PNLIP: variants seen among roughly 807,000 people sequenced by gnomAD.
PNLIP encodes pancreatic triacylglycerol lipase.
PNLIP carries 49 observed loss-of-function variants against 57.1 expected under a neutral mutation model. That is an observed-to-expected ratio of 0.86 (90% CI 0.68 to 1.09). PNLIP has a LOEUF of 1.09. Among genes scored for constraint, PNLIP ranks in the 50% least tolerant of loss-of-function variants. PNLIP has a pLI of 0.00. For missense variants in PNLIP, 503 were observed against 570.2 expected (o/e 0.88, Z 1.20); for synonymous variants, 209 against 200.4 (o/e 1.04, Z -0.36).
intron 5 of PNLIP, among the ~76,000 whole-genome samples, chr10:116,553,398 G>C (rs1320381035): frequency 6.6e-6 from 1 of 152,148 alleles, no homozygotes; most frequent in Non-Finnish European, 1.5e-5. Context: ...CGCCACCAAG[G>C]CCAGCCTAAA....
chr10:116,567,809 T>C lies in PNLIP; in HGVS notation c.*11T>C, dbSNP rs1349275437. On this transcript the variant is annotated 3_prime_UTR_variant, in exon 13 of 13. Transcript: ENST00000369221. ...CTCACACCGTGTTAGGAGACTACTG[T>C]TATTTGACCAATGAATTGACTTCTA... 1 of 1,601,406 alleles carries C rather than the reference T, an allele frequency of 6.2e-7. No individual in the cohort carries two copies. Among genetic ancestry groups the C allele is most frequent in the Non-Finnish European group, 8.6e-7 (1 of 1,168,356 alleles).
At chr10:116,547,763 T>G (rs1047328211) in intron 3 of PNLIP, among the ~76,000 whole-genome samples, 7 of 149,648 alleles carry the variant, frequency 4.7e-5, no homozygotes, top group Non-Finnish European at 5.9e-5. Flanking sequence ...AAGAACCAAG[T>G]TCCACCTGTT....
intron 11 of PNLIP, among the ~76,000 whole-genome samples, chr10:116,561,244 T>C (rs948639319): frequency 6.6e-6 from 1 of 152,220 alleles, no homozygotes; most frequent in Non-Finnish European, 1.5e-5. Flanking sequence ...TAATATGAGA[T>C]GTTCATGGCA....
At chr10:116,556,179 T>C (rs1288867394) in intron 9 of PNLIP, 61 bp downstream of exon 9, 2 of 893,482 alleles carry the variant, frequency 2.2e-6, no homozygotes, top group African/African-American at 1.6e-5. Flanking sequence ...ATGACTGGTG[T>C]GCTTTCCTAT....
chr10:116,550,184 G>A (rs1461488983), intron 4 of PNLIP, among the ~76,000 whole-genome samples: 1 of 146,296 alleles, frequency 6.8e-6, no homozygotes, highest in Non-Finnish European at 1.5e-5. Context: ...TCAGCCTCCC[G>A]AGTAGCTGGG....
At chr10:116,563,322 T>C (rs981213640) in intron 12 of PNLIP, among the ~76,000 whole-genome samples, 3 of 152,226 alleles carry the variant, frequency 2.0e-5, no homozygotes, top group African/African-American at 4.8e-5. Context: ...AATAAGCATT[T>C]CCTTTGAGCA....
chr10:116,555,116 T>G, intron 6 of PNLIP, 62 bp from the exon 7 acceptor site: 1 of 1,584,604 alleles, frequency 6.3e-7, no homozygotes, highest in Non-Finnish European at 8.7e-7. Context: ...TAACTCATAT[T>G]TTACTCTTAA....
intron 9 of PNLIP, among the ~76,000 whole-genome samples, chr10:116,557,522 C>T (rs2133204595): frequency 6.6e-6 from 1 of 152,312 alleles, no homozygotes; most frequent in East Asian, 1.9e-4. Flanking sequence ...TTGATGGGCA[C>T]ACTGCTGTAT....
chr10:116,551,597 G>A (rs975282611), intron 5 of PNLIP, among the ~76,000 whole-genome samples: 2 of 152,112 alleles, frequency 1.3e-5, no homozygotes, highest in African/African-American at 2.4e-5. Context: ...GTGATAACAA[G>A]CTAACCTCAT....
intron 9 of PNLIP, among the ~76,000 whole-genome samples, chr10:116,556,378 C>T (rs988091572): frequency 1.1e-3 from 174 of 152,158 alleles, no homozygotes; most frequent in Non-Finnish European, 9.4e-4. Flanking sequence ...AGAAATAACC[C>T]TAAACAGACA....
chr10:116,564,790 A>G (rs1033775068), intron 12 of PNLIP, among the ~76,000 whole-genome samples: 13 of 152,202 alleles, frequency 8.5e-5, no homozygotes, highest in African/African-American at 2.9e-4. Context: ...TATACCATTT[A>G]TGAATTGGTA....
At position 116,561,578 on chromosome 10, in the gene PNLIP, C is replaced by A; in HGVS notation, c.1276C>A (p.Pro426Thr). The A allele has an allele frequency of 6.2e-7, 1 of 1,613,378 alleles. No homozygotes were observed. The highest frequency in any genetic ancestry group is 8.5e-7 in the Non-Finnish European group (1 of 1,179,594). Residue 426 changes from proline (P) to threonine (T), a missense_variant, in exon 12 of 13, where the codon CCA becomes ACA. Transcript: ENST00000369221. ...TATTTGGTATAACAATGTGATCAAC[C>A]CAACTTTACCTAGAGTGGGAGCATC... ...KFIWYNNVIN[P>T]TLPRVGASKI...
At chr10:116,565,414 T>C (rs1847356281) in intron 12 of PNLIP, among the ~76,000 whole-genome samples, 1 of 151,982 alleles carries the variant, frequency 6.6e-6, no homozygotes, top group African/African-American at 2.4e-5. Flanking sequence ...CCCCACTGTA[T>C]TTTTTAAAAC....
intron 12 of PNLIP, among the ~76,000 whole-genome samples, chr10:116,562,407 T>A (rs1403893186): frequency 2.0e-5 from 3 of 152,194 alleles, no homozygotes; most frequent in African/African-American, 7.2e-5. Flanking sequence ...GGATAGTGAT[T>A]GCTGAGAGAC....
chr10:116,561,108 A>G (rs1847311002), intron 11 of PNLIP, among the ~76,000 whole-genome samples: 2 of 152,218 alleles, frequency 1.3e-5, no homozygotes, highest in South Asian at 2.1e-4. Context: ...CTGATTTATG[A>G]TCAGTAATTA....
rs200111816 is a variant in PNLIP, at chr10:116,546,086, C to T, written c.1-7C>T. Reference sequence around the variant, plus strand: ...CCAGACTCAATCATGTTTTTAATTTCGTGTAGATGCTGCCACTTTGGACTC... The same window carrying T: ...CCAGACTCAATCATGTTTTTAATTTTGTGTAGATGCTGCCACTTTGGACTC... On this transcript the variant is annotated splice_polypyrimidine_tract_variant and splice_region_variant and intron_variant, in intron 1 of 12. Transcript: ENST00000369221. The T allele has an allele frequency of 2.9e-3, 4,693 of 1,613,336 alleles. 9 individuals are homozygous for T. Among genetic ancestry groups the T allele is most frequent in the Non-Finnish European group, 3.7e-3 (4,335 of 1,179,330 alleles).
chr10:116,563,335 A>G (rs1847333680), intron 12 of PNLIP, among the ~76,000 whole-genome samples: 1 of 152,172 alleles, frequency 6.6e-6, no homozygotes, highest in Non-Finnish European at 1.5e-5. Flanking sequence ...TTTGAGCATC[A>G]TGTTGGCAAT....
In PNLIP at chr10:116,548,372, G is replaced by T. The variant is rs200008569; in HGVS notation, c.214G>T (p.Asp72Tyr). 37 of 1,613,890 alleles carry T rather than the reference G, an allele frequency of 2.3e-5. No individual in the cohort carries two copies. The highest frequency in any genetic ancestry group is 2.8e-5 in the Non-Finnish European group (33 of 1,179,934). ...NPNNFQEVAA[D>Y]SSSISGSNFK... ...TCTGTCTAAACAGGAAGTTGCCGCA[G>T]ATTCATCAAGCATCAGTGGCTCCAA... Residue 72 changes from aspartate (D) to tyrosine (Y), a missense_variant, in exon 4 of 13, where the codon GAT becomes TAT. Transcript: ENST00000369221.
At position 116,558,586 on chromosome 10, in the gene PNLIP, T is replaced by TACACAC. The variant is rs200473025; in HGVS notation, c.931-550_931-545dup. Among the ~76,000 whole-genome samples the TACACAC allele has an allele frequency of 2.9e-3, 422 of 147,708 alleles. 2 individuals are homozygous for TACACAC. The highest frequency in any genetic ancestry group is 9.9e-3 in the African/African-American group (399 of 40,450). Reference sequence around the variant, plus strand: ...CAAAAGAGAAAAAATAGAAGATAGATACACACACACACACACACACACATA... The same window carrying TACACAC: ...CAAAAGAGAAAAAATAGAAGATAGATACACACACACACACACACACACACACACATA... On this transcript the variant is annotated intron_variant, in intron 9 of 12. Transcript: ENST00000369221.
Sources: gnomAD v4.1 joint callset for allele counts (sites outside exome capture counted in the v4.1 genomes callset) on GRCh38, gnomAD v4.1.1 for gene constraint, MANE v1.5 for transcripts, NCBI Gene and HGNC (gene_info 2026-07-23, HGNC 2026-07-21) for gene names.